The following TC2N variants were observed in gnomAD, a reference collection of about 807,000 sequenced individuals.
TC2N encodes the protein tandem C2 domains nuclear protein.
Under a neutral mutation model 61.9 loss-of-function variants are expected in TC2N, and 51 were observed. That is an observed-to-expected ratio of 0.82 (90% confidence interval 0.66 to 1.04). TC2N has a LOEUF of 1.04. Ranked by LOEUF, TC2N falls within the 50% of genes least tolerant of loss-of-function variation. The probability of loss-of-function intolerance (pLI) is 0.00; values close to 1 mark genes in which losing one functional copy is unlikely to be tolerated. For missense variants in TC2N, 556 were observed against 566.7 expected (o/e 0.98, Z 0.19); for synonymous variants, 204 against 192.6 (o/e 1.06, Z -0.49).
chr14:91,826,319 G>GAAA (rs61107451), intron 1 of TC2N, among the ~76,000 whole-genome samples: 7 of 139,962 alleles, frequency 5.0e-5, no homozygotes, highest in Admixed American at 2.2e-4. Flanking sequence ...GACCTTGTCT[G>GAAA]AAAAAAAAAA....
chr14:91,798,032 G>T, intron 7 of TC2N, 131 bp from the exon 8 acceptor site: 1 of 617,378 alleles, frequency 1.6e-6, no homozygotes, highest in Non-Finnish European at 2.8e-6. Flanking sequence ...ACCTCATGTT[G>T]CATCCACATT....
At chr14:91,802,724 C>T (rs767074304) in intron 3 of TC2N, among the ~76,000 whole-genome samples, 2 of 150,322 alleles carry the variant, frequency 1.3e-5, no homozygotes, top group Non-Finnish European at 2.9e-5. Context: ...ATATATAGAA[C>T]ATCTTTTAAA....
chr14:91,787,946 C>T (rs975529467), intron 9 of TC2N, among the ~76,000 whole-genome samples: 3 of 151,880 alleles, frequency 2.0e-5, no homozygotes, highest in Non-Finnish European at 4.4e-5. Flanking sequence ...GAAATTAACA[C>T]AAAAGGAATA....
chr14:91,781,507 T>C lies in TC2N; in HGVS notation c.*1593A>G, dbSNP rs1276792128. On this transcript the variant is annotated 3_prime_UTR_variant, in exon 12 of 12. Transcript: ENST00000435962. Reference sequence around the variant, plus strand: ...GGGCTTTGTCAGGGGAGAAAGGAAATCTCTATCTTCCTCTCAATTTTTCTG... The same window carrying C: ...GGGCTTTGTCAGGGGAGAAAGGAAACCTCTATCTTCCTCTCAATTTTTCTG... The C allele has an allele frequency of 2.0e-5, 3 of 151,846 alleles. No homozygotes were observed. The highest frequency in any genetic ancestry group is 4.4e-5 in the Non-Finnish European group (3 of 67,906). 9.4% of individuals were successfully genotyped at this position (151,846 alleles called of 1,614,324 possible).
Position 91,792,439 on chromosome 14 carries a change from T to C in TC2N, c.975A>G (p.Ser325=), listed in dbSNP as rs377422447. 6.2e-7 allele frequency: 1 copy of C among 1,611,286 alleles called. No individual in the cohort carries two copies. The highest frequency in any genetic ancestry group is 1.1e-5 in the South Asian group (1 of 90,642). ...GTGTGCTAAGGGTTCTGAGTGACAT[T>C]GAGCATTCTCCAATGGTTTTCTTCC... The part of the protein sequence containing the change: ...TPRKKTIGEC[S]MSLRTLSTQE... The change falls in exon 9 of 12, where the codon TCA becomes TCG. Residue 325 remains serine (S), a synonymous_variant. Coordinates refer to ENST00000435962, the MANE Select transcript of TC2N (RefSeq NM_001128596.3).
At chr14:91,856,424 T>A (rs551092691) in intron 1 of TC2N, among the ~76,000 whole-genome samples, 1 of 151,444 alleles carries the variant, frequency 6.6e-6, no homozygotes, top group South Asian at 2.1e-4. Context: ...GCAGAAGTAG[T>A]TGCAGTGAGG....
chr14:91,838,315 T>C (rs1000712364), intron 1 of TC2N, among the ~76,000 whole-genome samples: 2 of 151,996 alleles, frequency 1.3e-5, no homozygotes, highest in Non-Finnish European at 2.9e-5. Context: ...GGCTAAATTT[T>C]TAAATTTTTT....
chr14:91,787,349 C>T (rs2139822370), intron 10 of TC2N, among the ~76,000 whole-genome samples, 164 bp downstream of exon 10: 2 of 152,108 alleles, frequency 1.3e-5, no homozygotes, highest in East Asian at 3.9e-4. Context: ...TTAAGGTAGA[C>T]ACAATGGCTA....
chr14:91,821,042 G>T (rs1432937556), intron 1 of TC2N, among the ~76,000 whole-genome samples: 2 of 151,868 alleles, frequency 1.3e-5, no homozygotes, highest in African/African-American at 4.8e-5. Context: ...TGCTAAGGTG[G>T]CAATACTCCC....
chr14:91,856,539 G>A (rs1888486978), intron 1 of TC2N, among the ~76,000 whole-genome samples: 1 of 151,880 alleles, frequency 6.6e-6, no homozygotes, highest in African/African-American at 2.4e-5. Context: ...AGATAGGGAG[G>A]AGGGAGAGCT....
intron 11 of TC2N, among the ~76,000 whole-genome samples, chr14:91,783,706 C>T (rs1885231293): frequency 6.6e-6 from 1 of 151,748 alleles, no homozygotes; most frequent in Admixed American, 6.6e-5. Context: ...TTCATAGTAC[C>T]CATCACTTAT....
intron 2 of TC2N, among the ~76,000 whole-genome samples, 196 bp downstream of exon 2, chr14:91,813,507 C>T (rs971139253): frequency 1.8e-4 from 28 of 151,636 alleles, no homozygotes; most frequent in African/African-American, 6.5e-4. Context: ...TAATATCTTA[C>T]GAATCCCCTG....
Position 91,821,674 on chromosome 14 carries a change from T to C in TC2N, c.-56-7849A>G, listed in dbSNP as rs1257036096. On this transcript the variant is annotated intron_variant, in intron 1 of 11. Transcript: ENST00000435962. ...CTAGATTTAATTGAAATTAAAAACTTTGTGCTTTAAAAGACACCATTAACA... is the reference window on the plus strand; with the variant it reads ...CTAGATTTAATTGAAATTAAAAACTCTGTGCTTTAAAAGACACCATTAACA... Among the ~76,000 whole-genome samples, 5 of 152,060 alleles carry C rather than the reference T, an allele frequency of 3.3e-5. No homozygotes were observed. The South Asian group carries it at 6.2e-4, about 19-fold the overall frequency.
At position 91,781,663 on chromosome 14, in the gene TC2N, A is replaced by G. The variant is rs1279444665; in HGVS notation, c.*1437T>C. On this transcript the variant is annotated 3_prime_UTR_variant, in exon 12 of 12. Coordinates refer to ENST00000435962, the MANE Select transcript of TC2N (RefSeq NM_001128596.3). Reference sequence around the variant, plus strand: ...AAAATCCATGTGAGTACTGACCTATATGTCATTTTTTGCAAATCTAAAACA... The same window carrying G: ...AAAATCCATGTGAGTACTGACCTATGTGTCATTTTTTGCAAATCTAAAACA... The G allele has an allele frequency of 6.6e-6, 1 of 152,166 alleles. No homozygotes were observed. The highest frequency in any genetic ancestry group is 1.5e-5 in the Non-Finnish European group (1 of 67,982). 9.4% of individuals were successfully genotyped at this position (152,166 alleles called of 1,614,324 possible).
At chr14:91,827,916 C>T (rs1375983565) in intron 1 of TC2N, among the ~76,000 whole-genome samples, 1 of 152,186 alleles carries the variant, frequency 6.6e-6, no homozygotes, top group Admixed American at 6.5e-5. Flanking sequence ...GGCATGATGT[C>T]ATCATTGCAC....
At chr14:91,860,074 C>T (rs147464548) in intron 1 of TC2N, among the ~76,000 whole-genome samples, 2 of 152,090 alleles carry the variant, frequency 1.3e-5, no homozygotes, top group South Asian at 2.1e-4. Context: ...TTAGAAAGAT[C>T]GCTTTAGAAA....
intron 1 of TC2N, among the ~76,000 whole-genome samples, chr14:91,853,649 TACACACACACAC>T (rs71123304): frequency 3.7e-4 from 38 of 103,078 alleles, no homozygotes; most frequent in South Asian, 1.6e-3. Context: ...TTTTTTAAAG[TACACACACACAC>T]ACACACACAC....
At chr14:91,806,671 G>T (rs185877310) in intron 3 of TC2N, among the ~76,000 whole-genome samples, 20 of 152,254 alleles carry the variant, frequency 1.3e-4, no homozygotes, top group Non-Finnish European at 2.4e-4. Flanking sequence ...TGACCTGGCT[G>T]CTGTTAAAAG....
intron 1 of TC2N, among the ~76,000 whole-genome samples, chr14:91,843,353 A>G (rs762601757): frequency 6.6e-6 from 1 of 152,138 alleles, no homozygotes; most frequent in South Asian, 2.1e-4. Flanking sequence ...TTCCAGACCA[A>G]TGTGCCCAGG....
Sources: allele counts gnomAD v4.1 joint callset (sites outside exome capture counted in the v4.1 genomes callset), GRCh38; gene constraint gnomAD v4.1.1; transcripts MANE v1.5; gene names NCBI Gene and HGNC (gene_info 2026-07-23, HGNC 2026-07-21).